ITSN1: variants seen among roughly 807,000 people sequenced by gnomAD.
The protein encoded by ITSN1 is intersectin-1.
ITSN1 carries 58 observed loss-of-function variants against 239.8 expected under a neutral mutation model. The observed-to-expected ratio is 0.24, with a 90% CI of 0.20 to 0.30. The LOEUF is 0.30. Among genes scored for constraint, ITSN1 ranks in the 10% least tolerant of loss-of-function variants. The pLI, the probability that ITSN1 is intolerant of heterozygous loss-of-function variation, is 1.00. For synonymous variants in ITSN1, 780 were observed against 770.8 expected (o/e 1.01, Z -0.20); for missense variants, 1,558 against 2,103.3 (o/e 0.74, Z 5.07).
At chr21:33,841,937 CT>C (rs60218190) in intron 29 of ITSN1, among the ~76,000 whole-genome samples, 27,165 of 131,820 alleles carry the variant, frequency 0.21, 2,626 homozygotes, top group East Asian at 0.39. Flanking sequence ...CTCTTGGGCA[CT>C]TTTTTTTTTT....
Position 33,797,728 on chromosome 21 carries a change from C to G in ITSN1, c.2182+120C>G. The G allele has an allele frequency of 2.7e-6, 2 of 731,630 alleles. No homozygotes were observed. Among genetic ancestry groups the G allele is most frequent in the Admixed American group, 2.8e-5 (1 of 35,610 alleles). 45.3% of individuals were successfully genotyped at this position (731,630 alleles called of 1,614,324 possible). A position where few individuals can be genotyped will look rare whatever the true frequency, so the allele number is the denominator to read the frequency against. On this transcript the variant is annotated intron_variant, in intron 18 of 39. Transcript: ENST00000381318. The surrounding 1 kb of genome is among the most constrained non-coding windows in gnomAD (Gnocchi z 4.9). ...TACATTAACAGATGAGAACGTCAGT[C>G]TCTTATTTTGAGCATGGCCAGCTCT... is the stretch of plus-strand genomic sequence containing the variant.
intron 4 of ITSN1, among the ~76,000 whole-genome samples, chr21:33,729,384 C>G (rs1316192200): frequency 6.6e-6 from 1 of 151,700 alleles, no homozygotes; most frequent in South Asian, 2.1e-4. Flanking sequence ...AGGATTCAAG[C>G]CTGCATTGCG....
At chr21:33,711,909 A>G (rs1053258382) in intron 1 of ITSN1, among the ~76,000 whole-genome samples, 3 of 152,198 alleles carry the variant, frequency 2.0e-5, no homozygotes, top group East Asian at 1.9e-4. Context: ...AACAGTCTAC[A>G]TATTTTAAAG....
chr21:33,688,669 C>CT (rs2091363971), intron 1 of ITSN1, among the ~76,000 whole-genome samples: 1 of 152,146 alleles, frequency 6.6e-6, no homozygotes, highest in Admixed American at 6.5e-5. Context: ...AAAAAATCCA[C>CT]TGAGACCATT....
At chr21:33,783,615 CAAAA>C (rs922910854) in intron 16 of ITSN1, among the ~76,000 whole-genome samples, 2 of 134,538 alleles carry the variant, frequency 1.5e-5, no homozygotes, top group Admixed American at 7.5e-5. Context: ...CAATTAGAAA[CAAAA>C]AAACAAAAAA....
At chr21:33,732,724 T>C (rs1435938487) in intron 4 of ITSN1, among the ~76,000 whole-genome samples, 2 of 152,010 alleles carry the variant, frequency 1.3e-5, no homozygotes, top group Non-Finnish European at 1.5e-5. Context: ...CTTGTAGGAG[T>C]CTGGTAGGAT....
intron 20 of ITSN1, among the ~76,000 whole-genome samples, chr21:33,807,896 A>C (rs2072583240): frequency 6.6e-6 from 1 of 152,150 alleles, no homozygotes; most frequent in South Asian, 2.1e-4. Flanking sequence ...AGTCAAGACC[A>C]GGCTTTTGGC....
At chr21:33,792,599 A>G (rs1415188765) in intron 16 of ITSN1, among the ~76,000 whole-genome samples, 2 of 152,226 alleles carry the variant, frequency 1.3e-5, no homozygotes, top group Non-Finnish European at 2.9e-5. Flanking sequence ...TAAGTTTTAC[A>G]TCCCTTGGTA....
intron 1 of ITSN1, among the ~76,000 whole-genome samples, chr21:33,679,852 C>G (rs994739038): frequency 6.6e-6 from 1 of 151,768 alleles, no homozygotes; most frequent in Admixed American, 6.6e-5. Flanking sequence ...TGCCCGCCCC[C>G]ACATCCAGCT....
chr21:33,672,685 T>G (rs2090361474), intron 1 of ITSN1, among the ~76,000 whole-genome samples: 1 of 152,180 alleles, frequency 6.6e-6, no homozygotes, highest in Admixed American at 6.5e-5. Context: ...CCTTGTGGCA[T>G]TATTCCCAAT....
At chr21:33,819,180 GT>G (rs1272727130) in intron 23 of ITSN1, 60 bp from the exon 24 acceptor site, 2 of 1,261,676 alleles carry the variant, frequency 1.6e-6, no homozygotes, top group African/African-American at 3.0e-5. Context: ...AAAAATCAGT[GT>G]CATTGTACGA....
intron 1 of ITSN1, among the ~76,000 whole-genome samples, chr21:33,656,581 TG>T (rs1478446456): frequency 6.6e-6 from 1 of 152,186 alleles, no homozygotes; most frequent in Non-Finnish European, 1.5e-5. Context: ...TCACCCAGGC[TG>T]GAGAGTGCAG....
At chr21:33,873,935 C>A (rs1457563466) in intron 33 of ITSN1, among the ~76,000 whole-genome samples, 2 of 151,746 alleles carry the variant, frequency 1.3e-5, no homozygotes, top group Non-Finnish European at 2.9e-5. Context: ...CCGAGGCAGG[C>A]AGAACATCTG....
In ITSN1 at chr21:33,667,786, C is replaced by T. The variant is rs139994330; in HGVS notation, c.-33+25073C>T. Among the ~76,000 whole-genome samples, 891 of 152,208 alleles carry T rather than the reference C, an allele frequency of 5.9e-3. 9 individuals are homozygous for T. The highest frequency in any genetic ancestry group is 0.021 in the African/African-American group (857 of 41,518). On this transcript the variant is annotated intron_variant, in intron 1 of 39. Transcript: ENST00000381318. Reference sequence around the variant, plus strand: ...TCACAGTATGCGATCTATGTAATACCGCTCCTTATGTACATTGTATAATAA... The same window carrying T: ...TCACAGTATGCGATCTATGTAATACTGCTCCTTATGTACATTGTATAATAA...
intron 1 of ITSN1, among the ~76,000 whole-genome samples, chr21:33,659,359 G>A (rs2089359179): frequency 6.6e-6 from 1 of 152,126 alleles, no homozygotes; most frequent in East Asian, 1.9e-4. Flanking sequence ...AGTTGTTCTA[G>A]TCAATTACTT....
chr21:33,767,780 G>A lies in ITSN1; in HGVS notation c.994G>A (p.Glu332Lys), dbSNP rs1362538275. Residue 332 changes from glutamate (E) to lysine (K), a missense_variant, in exon 11 of 40, where the codon GAA (glutamate) becomes AAA (lysine). Physicochemically the swap from Glu to Lys is moderately conservative, Grantham distance 56 (BLOSUM62 1). Transcript: ENST00000381318. ...STSVDQRLPEEPVLEDEQQQL... is the reference protein window; with the variant it reads ...STSVDQRLPEKPVLEDEQQQL... ...ATCTGTAGATCAGAGGCTACCAGAG[G>A]AACCAGTTTTAGAAGATGAACAACA... The A allele has an allele frequency of 6.2e-6, 10 of 1,612,742 alleles. No homozygotes were observed. Among genetic ancestry groups the A allele is most frequent in the African/African-American group, 1.3e-5 (1 of 74,862 alleles).
rs1414632453 is a variant in ITSN1 at position 33,770,530 on chromosome 21, A to G, written c.1043-1531A>G. Among the ~76,000 whole-genome samples the G allele has an allele frequency of 3.3e-5, 5 of 152,190 alleles. No homozygotes were observed. In the East Asian group the frequency reaches 9.6e-4, roughly 29 times the overall value. On this transcript the variant is annotated intron_variant, in intron 11 of 39. Transcript: ENST00000381318. ...CAGCCACAACCTCTCTTGTCCCAAGATACTTTCCTCACCTCACAACAAAAC... is the reference window on the plus strand; with the variant it reads ...CAGCCACAACCTCTCTTGTCCCAAGGTACTTTCCTCACCTCACAACAAAAC...
At chr21:33,834,074 C>T (rs2074460464) in intron 27 of ITSN1, among the ~76,000 whole-genome samples, 1 of 152,174 alleles carries the variant, frequency 6.6e-6, no homozygotes, top group South Asian at 2.1e-4. Flanking sequence ...TTGTGATCCA[C>T]ACAGTCTAGC....
chr21:33,672,839 GTAGC>G (rs1458961966), intron 1 of ITSN1, among the ~76,000 whole-genome samples: 1 of 152,120 alleles, frequency 6.6e-6, no homozygotes, highest in Non-Finnish European at 1.5e-5. Context: ...AGGCACCCGA[GTAGC>G]TGGGACTACA....
Sources: gnomAD v4.1 joint callset for allele counts (sites outside exome capture counted in the v4.1 genomes callset) on GRCh38, gnomAD v4.1.1 for gene constraint, Gnocchi (gnomAD v3.1) non-coding constraint, MANE v1.5 for transcripts, NCBI Gene and HGNC (gene_info 2026-07-23, HGNC 2026-07-21) for gene names.